Variants in ACAP3 observed in about 807,000 individuals in gnomAD.
The protein encoded by ACAP3 is arf-GAP with coiled-coil, ANK repeat and PH domain-containing protein 3.
Under a neutral mutation model 104.1 loss-of-function variants are expected in ACAP3, and 56 were observed. The ratio of observed to expected loss-of-function variants is 0.54; its 90% CI spans 0.43 to 0.67. The LOEUF (loss-of-function observed/expected upper bound fraction) is 0.67. ACAP3 is among the 30% of genes least tolerant of loss of function. The pLI is 0.00. For synonymous variants in ACAP3, 628 were observed against 496.2 expected (o/e 1.27, Z -3.53); for missense variants, 1,208 against 1,174.9 (o/e 1.03, Z -0.41).
chr1:1,296,349 C>T (rs971429707), intron 15 of ACAP3, 69 bp from the exon 16 acceptor site: 139 of 1,547,998 alleles, frequency 9.0e-5, no homozygotes, highest in Middle Eastern at 6.8e-4. Context: ...CCCCCACCCC[C>T]GGCCTGGCCC....
chr1:1,304,867 A>G (rs1272558412), intron 1 of ACAP3: 1 of 152,320 alleles, frequency 6.6e-6, no homozygotes, highest in Non-Finnish European at 1.5e-5. Flanking sequence ...CGGGCACGTG[A>G]CCACCCCCTC....
chr1:1,300,910 T>C (rs1641414034), intron 5 of ACAP3, among the ~76,000 whole-genome samples: 2 of 152,182 alleles, frequency 1.3e-5, no homozygotes, highest in African/African-American at 2.4e-5. Flanking sequence ...CAGCTGGGAT[T>C]ACAGGCATGC....
At chr1:1,295,978 G>C (rs748637182) in intron 17 of ACAP3, 37 bp downstream of exon 17, 1 of 1,612,706 alleles carries the variant, frequency 6.2e-7, no homozygotes, top group South Asian at 1.1e-5. Flanking sequence ...CCCCAGGCTG[G>C]GGCTCCCTGA....
Position 1,303,163 on chromosome 1 carries a change from G to A in ACAP3, c.224C>T (p.Ser75Leu), listed in dbSNP as rs763543533. ...SQQCQGDTVISECLQRFADSL... is the reference protein window; with the variant it reads ...SQQCQGDTVILECLQRFADSL... ...GTCAGAGGTCAGTCGGCCCCTCACC[G>A]AGATGACGGTGTCGCCCTGGCACTG... is the stretch of plus-strand genomic sequence containing the variant. Residue 75 changes from serine (S) to leucine (L), a missense_variant and splice_region_variant, in exon 3 of 24, where the codon TCG (serine) becomes TTG (leucine). Ser to Leu is a moderately radical substitution (Grantham distance 145). Transcript: ENST00000354700. This position sits in a 1 kb window ranked among gnomAD's most constrained non-coding sequence, Gnocchi z 4.0. The A allele has an allele frequency of 1.2e-5, 19 of 1,598,710 alleles. No individual in the cohort carries two copies. The highest frequency in any genetic ancestry group is 9.0e-5 in the East Asian group (4 of 44,216).
In ACAP3 at chr1:1,303,520, C is replaced by T; in HGVS notation, c.106-239G>A. 1 of 605,822 alleles carries T rather than the reference C, an allele frequency of 1.7e-6. No homozygotes were observed. Among genetic ancestry groups the T allele is most frequent in the Non-Finnish European group, 2.9e-6 (1 of 350,418 alleles). The allele number at this position is 605,822 out of a possible 1,614,324, so 37.5% of individuals were successfully genotyped here. A position where few individuals can be genotyped will look rare whatever the true frequency, so the allele number is the denominator to read the frequency against. Reference sequence around the variant, plus strand: ...CGGCTGGGAGGGACCAGGAGCCAGGCAGGGGACCCAGGGCCAGCAGGACCA... The same window carrying T: ...CGGCTGGGAGGGACCAGGAGCCAGGTAGGGGACCCAGGGCCAGCAGGACCA... On this transcript the variant is annotated intron_variant, in intron 2 of 23. Transcript: ENST00000354700. This position sits in a 1 kb window ranked among gnomAD's most constrained non-coding sequence, Gnocchi z 4.0.
Position 1,294,755 on chromosome 1 carries a change from G to A in ACAP3, c.1875C>T (p.Phe625=). 1.3e-6 allele frequency: 2 copies of A among 1,549,878 alleles called. No homozygotes were observed. Among genetic ancestry groups the A allele is most frequent in the South Asian group, 1.2e-5 (1 of 84,060 alleles). The part of the protein sequence containing the change: ...SSDGSSDVLA[F]GSGSVVDSVT... ...CGCTGTCCACCACAGAGCCCGAGCC[G>A]AAAGCCAGGACGTCCGAGCTGCCAT... The change falls in exon 20 of 24, where the codon TTC becomes TTT. Residue 625 remains phenylalanine (F), a synonymous_variant. Coordinates refer to ENST00000354700, the MANE Select transcript of ACAP3 (RefSeq NM_030649.3).
At position 1,298,130 on chromosome 1, in the gene ACAP3, T is replaced by C. The variant is rs375052031; in HGVS notation, c.916-17A>G. The C allele has an allele frequency of 1.9e-6, 3 of 1,593,404 alleles. No individual in the cohort carries two copies. The African/African-American group carries it at 4.0e-5, about 21-fold the overall frequency. ...GAGGGCATCCTGTGGGCGGCACCGC[T>C]GTGGCCCCTGCCCTCAGCCACCACC... On this transcript the variant is annotated splice_polypyrimidine_tract_variant and intron_variant, in intron 12 of 23. Coordinates refer to ENST00000354700, the MANE Select transcript of ACAP3 (RefSeq NM_030649.3).
At position 1,298,586 on chromosome 1, in the gene ACAP3, C is replaced by G. The variant is rs368349562; in HGVS notation, c.844G>C (p.Ala282Pro). 11 of 1,608,164 alleles carry G rather than the reference C, an allele frequency of 6.8e-6. No individual in the cohort carries two copies. The South Asian group carries it at 1.2e-4, about 18-fold the overall frequency. ...EGYLFKRASN[A>P]FKTWNRRWFS... Reference sequence around the variant, plus strand: ...TCTCACCGGTTCCATGTCTTGAAAGCGTTGCTGGCCCTCTTGAAGAGGTAG... The same window carrying G: ...TCTCACCGGTTCCATGTCTTGAAAGGGTTGCTGGCCCTCTTGAAGAGGTAG... Residue 282 changes from alanine to proline, a missense_variant, in exon 11 of 24, where the codon GCT (alanine) becomes CCT (proline). By Grantham distance (27) the Ala-to-Pro change is conservative. Transcript: ENST00000354700.
In ACAP3 at chr1:1,293,226, G is replaced by A. The variant is rs1298465724; in HGVS notation, c.*338C>T. The A allele has an allele frequency of 2.2e-5, 4 of 181,370 alleles. No homozygotes were observed. The highest frequency in any genetic ancestry group is 1.3e-4 in the Admixed American group (2 of 15,818). The allele number at this position is 181,370 out of a possible 1,614,324, so 11.2% of individuals were successfully genotyped here. On this transcript the variant is annotated 3_prime_UTR_variant, in exon 24 of 24. Coordinates refer to ENST00000354700, the MANE Select transcript of ACAP3 (RefSeq NM_030649.3). ...GGCACGAAGTAACACAGGCCCTGAGGACACAGGGACACAGGTGACACGGGC... is the reference window on the plus strand; with the variant it reads ...GGCACGAAGTAACACAGGCCCTGAGAACACAGGGACACAGGTGACACGGGC...
intron 5 of ACAP3, 37 bp downstream of exon 5, chr1:1,301,951 C>T: frequency 6.6e-7 from 1 of 1,526,036 alleles, no homozygotes; most frequent in Non-Finnish European, 8.8e-7. Flanking sequence ...GGGAGCGTGG[C>T]CTCAGTGTTC....
chr1:1,305,768 C>T (rs987353421), intron 1 of ACAP3: 3 of 152,534 alleles, frequency 2.0e-5, no homozygotes, highest in African/African-American at 7.2e-5. Flanking sequence ...AAGCCCCACC[C>T]AGGGGAGGGG....
intron 1 of ACAP3, 25 bp from the exon 2 acceptor site, chr1:1,304,168 G>C: frequency 6.5e-7 from 1 of 1,550,282 alleles, no homozygotes; most frequent in Non-Finnish European, 8.7e-7. Context: ...GGGCTGGCTG[G>C]GGTCACCTGC....
At position 1,294,455 on chromosome 1, in the gene ACAP3, A is replaced by G. The variant is rs1641016681; in HGVS notation, c.2086T>C (p.Trp696Arg). The G allele has an allele frequency of 1.3e-6, 2 of 1,571,380 alleles. No individual in the cohort carries two copies. Among genetic ancestry groups the G allele is most frequent in the Non-Finnish European group, 1.7e-6 (2 of 1,165,072 alleles). Residue 696 changes from tryptophan (W) to arginine (R), a missense_variant, in exon 21 of 24, where the codon TGG (tryptophan) becomes CGG (arginine). Trp to Arg is a moderately radical substitution (Grantham distance 101, BLOSUM62 -3). Transcript: ENST00000354700. ...AALAHGAEVN[W>R]ADAEDEGKTP... The stretch of plus-strand genomic sequence containing the variant: ...TTGCCCTCATCCTCCGCGTCCGCCC[A>G]GTTGACCTCGGCCCCGTGGGCCAGC...
Position 1,295,505 on chromosome 1 carries a change from G to A in ACAP3, c.1755C>T (p.Asp585=), listed in dbSNP as rs1374971774. The part of the protein sequence containing the change: ...KFRRDSLFCP[D]ELDSLFSYFD... ...AGTAGGAGAAGAGCGAGTCCAGCTC[G>A]TCGGGACAGAAGAGGGAGTCTCGGC... The change falls in exon 19 of 24, where the codon GAC becomes GAT. Residue 585 remains aspartate, a synonymous_variant. Coordinates refer to ENST00000354700, the MANE Select transcript of ACAP3 (RefSeq NM_030649.3). The A allele has an allele frequency of 1.2e-5, 19 of 1,612,644 alleles. No individual in the cohort carries two copies. Among genetic ancestry groups the A allele is most frequent in the South Asian group, 3.3e-5 (3 of 91,076 alleles).
intron 5 of ACAP3, chr1:1,301,655 A>C (rs2100461009): frequency 4.8e-6 from 1 of 210,460 alleles, no homozygotes; most frequent in Non-Finnish European, 9.3e-6. Context: ...GCTGACCCCG[A>C]TCATCTGCTC....
intron 1 of ACAP3, among the ~76,000 whole-genome samples, chr1:1,306,463 A>C (rs1487319438): frequency 2.6e-5 from 4 of 152,104 alleles, no homozygotes; most frequent in African/African-American, 9.7e-5. Flanking sequence ...CCCTTTTCCC[A>C]GGTCAGCAAC....
At chr1:1,307,370 C>A (rs766118978) in intron 1 of ACAP3, 8 of 1,290,180 alleles carry the variant, frequency 6.2e-6, no homozygotes, top group Admixed American at 4.6e-5. Flanking sequence ...GCTGCCTGTT[C>A]CCCACGCGCT....
chr1:1,307,316 T>C (rs112799375), intron 1 of ACAP3: 7 of 1,289,182 alleles, frequency 5.4e-6, no homozygotes, highest in African/African-American at 4.5e-5. Flanking sequence ...TCAAACCACT[T>C]CACGTTTCCA....
chr1:1,294,596 C>T lies in ACAP3; in HGVS notation c.1945G>A (p.Ala649Thr), dbSNP rs868832637. 1.7e-5 allele frequency: 26 copies of T among 1,518,718 alleles called. No homozygotes were observed. The highest frequency in any genetic ancestry group is 2.2e-5 in the Non-Finnish European group (25 of 1,138,696). 94.1% of individuals were successfully genotyped at this position (1,518,718 alleles called of 1,614,324 possible). A position where few individuals can be genotyped will look rare whatever the true frequency, so the allele number is the denominator to read the frequency against. Reference sequence around the variant, plus strand: ...GCCTCGGCCTCAGTGTCCCCGTCTGCCTCACCGCTGGACTCCTCCGACTCT... The same window carrying T: ...GCCTCGGCCTCAGTGTCCCCGTCTGTCTCACCGCTGGACTCCTCCGACTCT... ...GAESEESSGE[A>T]DGDTEAEAWG... The change falls in exon 21 of 24, where the codon GCA becomes ACA. Residue 649 changes from alanine (A) to threonine (T), a missense_variant. Ala to Thr is a moderately conservative substitution (Grantham distance 58). Transcript: ENST00000354700.
Sources: allele counts gnomAD v4.1 joint callset (sites outside exome capture counted in the v4.1 genomes callset), GRCh38; gene constraint gnomAD v4.1.1; non-coding constraint Gnocchi (gnomAD v3.1); transcripts MANE v1.5; gene names NCBI Gene and HGNC (gene_info 2026-07-23, HGNC 2026-07-21).